The following HLCS variants were observed in gnomAD, a reference collection of about 807,000 sequenced individuals.
HLCS encodes holocarboxylase synthetase.
A neutral mutation model predicts 75.0 loss-of-function variants in HLCS; 53 were observed. The ratio of observed to expected loss-of-function variants is 0.71; its 90% confidence interval spans 0.57 to 0.89. HLCS has a LOEUF of 0.89. Among genes scored for constraint, HLCS ranks in the 40% least tolerant of loss-of-function variants. HLCS has a pLI of 0.00. For synonymous variants in HLCS, 431 were observed against 428.6 expected (o/e 1.01, Z -0.07); for missense variants, 966 against 1,074.0 (o/e 0.90, Z 1.41).
intron 4 of HLCS, among the ~76,000 whole-genome samples, chr21:36,934,762 T>C (rs567740552): frequency 2.0e-5 from 3 of 152,314 alleles, no homozygotes; most frequent in African/African-American, 7.2e-5. Flanking sequence ...GTGAAGACTA[T>C]GAAATTGAAC....
Position 36,897,123 on chromosome 21 carries a change from C to T in HLCS, c.1629G>A (p.Arg543=), listed in dbSNP as rs1344897387. ...LYLLSAAEEI[R]DPLMQWLGKH... is the part of the protein sequence containing the mutation. Reference sequence around the variant, plus strand: ...TCCCAAGCCACTGCATAAGAGGATCCCTGATTTCCTGTGTCATAAAGAAAG... The same window carrying T: ...TCCCAAGCCACTGCATAAGAGGATCTCTGATTTCCTGTGTCATAAAGAAAG... The change falls in exon 6 of 11, where the codon AGG becomes AGA. Residue 543 remains arginine (R), a synonymous_variant. Coordinates refer to ENST00000674895, the MANE Select transcript of HLCS (RefSeq NM_001352514.2). 4 of 1,613,910 alleles carry T rather than the reference C, an allele frequency of 2.5e-6. No individual in the cohort carries two copies. Among genetic ancestry groups the T allele is most frequent in the Non-Finnish European group, 3.4e-6 (4 of 1,180,014 alleles).
At chr21:36,827,881 T>C (rs1432664666) in intron 6 of HLCS, among the ~76,000 whole-genome samples, 1 of 151,292 alleles carries the variant, frequency 6.6e-6, no homozygotes, top group African/African-American at 2.4e-5. Context: ...TGGCGTGATC[T>C]TGGCTCACTG....
intron 6 of HLCS, among the ~76,000 whole-genome samples, chr21:36,794,059 G>T (rs995077854): frequency 6.6e-6 from 1 of 152,200 alleles, no homozygotes; most frequent in Non-Finnish European, 1.5e-5. Flanking sequence ...ACTGGGTTAC[G>T]CTTGGCTCAT....
chr21:36,829,922 G>C (rs181461361), intron 6 of HLCS, among the ~76,000 whole-genome samples: 11 of 152,336 alleles, frequency 7.2e-5, no homozygotes, highest in Admixed American at 2.0e-4. Context: ...CACAGGGTTA[G>C]AGGCTGAACT....
chr21:36,921,436 C>T (rs1369528147), intron 5 of HLCS, among the ~76,000 whole-genome samples: 2 of 152,166 alleles, frequency 1.3e-5, no homozygotes, highest in African/African-American at 4.8e-5. Flanking sequence ...GAGTGAGACT[C>T]TGTCTCAAAG....
At chr21:36,765,330 C>G (rs1323776246) in intron 7 of HLCS, among the ~76,000 whole-genome samples, 158 bp from the exon 8 acceptor site, 1 of 152,126 alleles carries the variant, frequency 6.6e-6, no homozygotes, top group East Asian at 1.9e-4. Flanking sequence ...AAAAGAAAAG[C>G]TTTTTAAAAT....
chr21:36,775,983 G>C (rs1487847708), intron 6 of HLCS, among the ~76,000 whole-genome samples: 1 of 152,170 alleles, frequency 6.6e-6, no homozygotes, highest in African/African-American at 2.4e-5. Flanking sequence ...CCAAAGCTGA[G>C]AAGAAGTCCT....
chr21:36,807,968 C>G (rs2061408296), intron 6 of HLCS, among the ~76,000 whole-genome samples: 1 of 151,910 alleles, frequency 6.6e-6, no homozygotes, highest in Non-Finnish European at 1.5e-5. Flanking sequence ...AAATGAAACA[C>G]TACCGTGCCA....
At chr21:36,947,444 C>T (rs2067458384) in intron 2 of HLCS, 47 of 985,228 alleles carry the variant, frequency 4.8e-5, no homozygotes, top group Non-Finnish European at 5.7e-5. Context: ...GTCACTGATA[C>T]GTCGTCCAGG....
chr21:36,862,962 T>TA (rs35754533), intron 6 of HLCS, among the ~76,000 whole-genome samples: 19 of 150,688 alleles, frequency 1.3e-4, no homozygotes, highest in African/African-American at 4.6e-4. Flanking sequence ...TTTTTTTTTT[T>TA]AAAGCGACGG....
intron 6 of HLCS, among the ~76,000 whole-genome samples, chr21:36,821,086 C>T (rs1051569157): frequency 2.6e-5 from 4 of 152,262 alleles, no homozygotes; most frequent in African/African-American, 9.6e-5. Flanking sequence ...GTGGAAGGAA[C>T]CACGTGTTCA....
intron 4 of HLCS, among the ~76,000 whole-genome samples, chr21:36,931,711 T>C (rs1341946564): frequency 1.3e-5 from 2 of 150,662 alleles, no homozygotes; most frequent in African/African-American, 4.9e-5. Flanking sequence ...ATCGTGCCAC[T>C]GCACTCCAGC....
At chr21:36,964,380 G>A (rs1273242772) in intron 1 of HLCS, among the ~76,000 whole-genome samples, 1 of 152,152 alleles carries the variant, frequency 6.6e-6, no homozygotes, top group Non-Finnish European at 1.5e-5. Context: ...ACAAATAAAT[G>A]GTCAAGCTTT....
chr21:36,883,508 G>C (rs1404106905), intron 6 of HLCS, among the ~76,000 whole-genome samples: 1 of 152,204 alleles, frequency 6.6e-6, no homozygotes, highest in Admixed American at 6.5e-5. Flanking sequence ...TAACGTCTAA[G>C]AATATCTAAA....
rs1477724699 is a variant in HLCS at position 36,906,562 on chromosome 21, T to A, written c.1621-9431A>T. On this transcript the variant is annotated intron_variant, in intron 5 of 10. Transcript: ENST00000674895. Reference sequence around the variant, plus strand: ...CACAAAAAGAAAATTAAAGAGGCTGTAAATAACTGAAAAGATACACCATGT... The same window carrying A: ...CACAAAAAGAAAATTAAAGAGGCTGAAAATAACTGAAAAGATACACCATGT... Among the ~76,000 whole-genome samples the A allele has an allele frequency of 2.0e-5, 3 of 151,764 alleles. No homozygotes were observed. The East Asian group carries it at 5.8e-4, about 29-fold the overall frequency.
chr21:36,876,914 A>G (rs1318763677), intron 6 of HLCS, among the ~76,000 whole-genome samples: 4 of 152,316 alleles, frequency 2.6e-5, no homozygotes, highest in South Asian at 4.1e-4. Context: ...TTTGCATCAT[A>G]TACTTTAAAG....
intron 6 of HLCS, among the ~76,000 whole-genome samples, chr21:36,816,253 G>T (rs1414457897): frequency 6.6e-6 from 1 of 152,012 alleles, no homozygotes; most frequent in African/African-American, 2.4e-5. Flanking sequence ...AATTAGCCAG[G>T]CCAGACATGG....
At chr21:36,907,341 A>G (rs1244344036) in intron 5 of HLCS, among the ~76,000 whole-genome samples, 1 of 152,220 alleles carries the variant, frequency 6.6e-6, no homozygotes, top group African/African-American at 2.4e-5. Context: ...AATTAAGAAT[A>G]TTAACAACTG....
intron 6 of HLCS, among the ~76,000 whole-genome samples, chr21:36,800,341 A>G (rs1236088123): frequency 6.6e-6 from 1 of 151,752 alleles, no homozygotes; most frequent in Non-Finnish European, 1.5e-5. Flanking sequence ...TGGTGAACAA[A>G]GAGACACAAA....
Sources: allele counts gnomAD v4.1 joint callset (sites outside exome capture counted in the v4.1 genomes callset), GRCh38; gene constraint gnomAD v4.1.1; transcripts MANE v1.5; gene names NCBI Gene and HGNC (gene_info 2026-07-23, HGNC 2026-07-21).